The following EPHA3 variants were observed in gnomAD, a reference collection of about 807,000 sequenced individuals.
EPHA3 encodes EPH receptor A3, also known as ephrin type-A receptor 3.
Under a neutral mutation model 107.1 loss-of-function variants are expected in EPHA3, and 42 were observed. That is an observed-to-expected ratio of 0.39 (90% CI 0.31 to 0.51). The LOEUF is 0.51. Among genes scored for constraint, EPHA3 ranks in the 20% least tolerant of loss-of-function variants. The pLI is 0.78. For synonymous variants in EPHA3, 461 were observed against 424.8 expected (o/e 1.09, Z -1.05); for missense variants, 1,183 against 1,211.2 (o/e 0.98, Z 0.35).
intron 5 of EPHA3, among the ~76,000 whole-genome samples, chr3:89,363,860 C>CT (rs751707059): frequency 6.6e-5 from 10 of 150,672 alleles, no homozygotes; most frequent in African/African-American, 1.2e-4. Flanking sequence ...CCTTGAGAGT[C>CT]TTTTTTTAGG....
At chr3:89,382,915 C>T (rs1337702858) in intron 5 of EPHA3, among the ~76,000 whole-genome samples, 1 of 152,062 alleles carries the variant, frequency 6.6e-6, no homozygotes, top group Non-Finnish European at 1.5e-5. Flanking sequence ...AATTTCTTCC[C>T]AGTCAGTGAG....
chr3:89,120,134 A>T (rs1463666235), intron 1 of EPHA3, among the ~76,000 whole-genome samples: 1 of 152,262 alleles, frequency 6.6e-6, no homozygotes, highest in East Asian at 1.9e-4. Context: ...TATTTCCCTT[A>T]ATGACTATTT....
intron 15 of EPHA3, among the ~76,000 whole-genome samples, chr3:89,457,889 G>A (rs1475067253): frequency 1.3e-5 from 2 of 152,198 alleles, no homozygotes; most frequent in African/African-American, 2.4e-5. Context: ...TTTTATTAAA[G>A]TGAGTTCTAT....
intron 3 of EPHA3, among the ~76,000 whole-genome samples, chr3:89,255,960 A>G (rs1250546163): frequency 2.0e-5 from 3 of 152,078 alleles, no homozygotes; most frequent in Admixed American, 6.6e-5. Context: ...GCGGTGGCTT[A>G]CACCTGTCTG....
intron 3 of EPHA3, among the ~76,000 whole-genome samples, chr3:89,327,077 A>G (rs140631032): frequency 2.0e-5 from 3 of 152,234 alleles, no homozygotes; most frequent in African/African-American, 4.8e-5. Flanking sequence ...AAAGGTAAAT[A>G]AAAGAAAGAT....
intron 3 of EPHA3, among the ~76,000 whole-genome samples, chr3:89,320,355 G>A (rs1426175185): frequency 6.6e-6 from 1 of 151,912 alleles, no homozygotes; most frequent in East Asian, 1.9e-4. Context: ...TGTCCCAAAG[G>A]TGTTTAATTT....
At chr3:89,375,363 T>C (rs1708382728) in intron 5 of EPHA3, among the ~76,000 whole-genome samples, 1 of 151,810 alleles carries the variant, frequency 6.6e-6, no homozygotes, top group Non-Finnish European at 1.5e-5. Flanking sequence ...TATTTGGGAA[T>C]GATCCCTGAA....
chr3:89,230,636 T>C (rs765394869), intron 3 of EPHA3, among the ~76,000 whole-genome samples: 11 of 152,080 alleles, frequency 7.2e-5, no homozygotes, highest in Non-Finnish European at 1.6e-4. Flanking sequence ...GTTTAGTTGT[T>C]TGTGTTTCGG....
chr3:89,216,546 G>T (rs1415278233), intron 3 of EPHA3, among the ~76,000 whole-genome samples: 1 of 152,014 alleles, frequency 6.6e-6, no homozygotes, highest in Non-Finnish European at 1.5e-5. Context: ...TGTCAAGGCT[G>T]GTTGGACCCT....
intron 10 of EPHA3, 39 bp from the exon 11 acceptor site, chr3:89,419,166 G>T (rs747002602): frequency 2.6e-5 from 39 of 1,522,658 alleles, no homozygotes; most frequent in Middle Eastern, 1.8e-4. Context: ...TTTTATTATA[G>T]AATTCCTTAC....
At chr3:89,343,109 G>A (rs189364062) in intron 5 of EPHA3, among the ~76,000 whole-genome samples, 2 of 152,282 alleles carry the variant, frequency 1.3e-5, no homozygotes, top group African/African-American at 4.8e-5. Flanking sequence ...GAGAATATCA[G>A]AATGTGTCCT....
chr3:89,115,853 C>A (rs1707242451), intron 1 of EPHA3, among the ~76,000 whole-genome samples: 1 of 152,294 alleles, frequency 6.6e-6, no homozygotes, highest in South Asian at 2.1e-4. Flanking sequence ...CTCCTAGACA[C>A]AAATGACTAT....
intron 15 of EPHA3, among the ~76,000 whole-genome samples, chr3:89,451,617 G>A (rs1052239918): frequency 6.6e-6 from 1 of 152,046 alleles, no homozygotes; most frequent in African/African-American, 2.4e-5. Context: ...CTACTCAATG[G>A]CTTGGACTTG....
intron 5 of EPHA3, among the ~76,000 whole-genome samples, chr3:89,395,210 A>G (rs1708822983): frequency 6.6e-6 from 1 of 152,330 alleles, no homozygotes; most frequent in East Asian, 1.9e-4. Flanking sequence ...ACCTCTCATT[A>G]AGTATTTTTT....
chr3:89,275,530 G>A (rs1482444674), intron 3 of EPHA3, among the ~76,000 whole-genome samples: 1 of 151,952 alleles, frequency 6.6e-6, no homozygotes, highest in Non-Finnish European at 1.5e-5. Context: ...TCTCTGTCTT[G>A]GACACTAAGA....
intron 2 of EPHA3, among the ~76,000 whole-genome samples, chr3:89,151,572 T>C (rs1704691420): frequency 6.6e-6 from 1 of 152,060 alleles, no homozygotes; most frequent in South Asian, 2.1e-4. Context: ...TTGCGGGAGA[T>C]GCCACAGCAC....
intron 13 of EPHA3, among the ~76,000 whole-genome samples, chr3:89,432,648 C>A (rs1470623569): frequency 2.0e-5 from 3 of 152,028 alleles, no homozygotes; most frequent in Non-Finnish European, 2.9e-5. Context: ...AAGTAAATGT[C>A]TAATAATCAT....
At chr3:89,476,169 T>C in intron 16 of EPHA3, among the ~76,000 whole-genome samples, 1 of 147,466 alleles carries the variant, frequency 6.8e-6, no homozygotes, top group East Asian at 1.9e-4. Flanking sequence ...TTATATATTG[T>C]AGATAACATA....
intron 2 of EPHA3, among the ~76,000 whole-genome samples, chr3:89,207,782 C>A (rs539585980): frequency 1.3e-5 from 2 of 151,910 alleles, no homozygotes; most frequent in East Asian, 1.9e-4. Context: ...CTAAGAAAAA[C>A]GTTTTGTTGT....
Sources: gnomAD v4.1 joint callset for allele counts (sites outside exome capture counted in the v4.1 genomes callset) on GRCh38, gnomAD v4.1.1 for gene constraint, MANE v1.5 for transcripts, NCBI Gene and HGNC (gene_info 2026-07-23, HGNC 2026-07-21) for gene names.